DMXL1: variants seen among roughly 807,000 people sequenced by gnomAD.
DMXL1 encodes Dmx like 1.
DMXL1 carries 99 observed loss-of-function variants against 319.2 expected under a neutral mutation model. The ratio of observed to expected loss-of-function variants is 0.31; its 90% CI spans 0.26 to 0.37. The LOEUF is 0.37. Ranked by LOEUF, DMXL1 falls within the 10% of genes least tolerant of loss-of-function variation. The probability of loss-of-function intolerance (pLI) is 1.00; values close to 1 mark genes in which losing one functional copy is unlikely to be tolerated. For missense variants in DMXL1, 3,745 were observed against 3,595.6 expected (o/e 1.04, Z -1.06); for synonymous variants, 1,385 against 1,235.2 (o/e 1.12, Z -2.54).
intron 4 of DMXL1, 131 bp from the exon 5 acceptor site, chr5:119,110,020 C>T (rs1759220239): frequency 1.4e-6 from 1 of 690,946 alleles, no homozygotes; most frequent in Non-Finnish European, 2.4e-6. Flanking sequence ...ACAGCCTTCT[C>T]CTCCGTTCTT....
At chr5:119,195,435 A>G (rs1299678423) in intron 30 of DMXL1, among the ~76,000 whole-genome samples, 3 of 152,258 alleles carry the variant, frequency 2.0e-5, no homozygotes, top group East Asian at 1.9e-4. Context: ...ATTCTGACAC[A>G]TGCTGCAACA....
chr5:119,230,152 G>A (rs910813827), intron 38 of DMXL1, among the ~76,000 whole-genome samples: 23 of 152,104 alleles, frequency 1.5e-4, no homozygotes, highest in African/African-American at 5.6e-4. Flanking sequence ...ATTTTTTGCT[G>A]ACAAATTTTG....
chr5:119,202,529 A>G (rs1780889013), intron 32 of DMXL1, among the ~76,000 whole-genome samples: 1 of 152,154 alleles, frequency 6.6e-6, no homozygotes, highest in African/African-American at 2.4e-5. Context: ...ACATATAACT[A>G]TTTAACACAA....
At chr5:119,075,440 T>C (rs771616329) in intron 1 of DMXL1, among the ~76,000 whole-genome samples, 1 of 151,882 alleles carries the variant, frequency 6.6e-6, no homozygotes, top group Non-Finnish European at 1.5e-5. Flanking sequence ...GGTTTCATCA[T>C]GTTGGCCAGG....
chr5:119,089,703 G>A (rs548482090), intron 1 of DMXL1, among the ~76,000 whole-genome samples: 35 of 146,546 alleles, frequency 2.4e-4, no homozygotes, highest in African/African-American at 7.1e-4. Context: ...TTGTCTCACC[G>A]CAACCTCCAC....
intron 28 of DMXL1, among the ~76,000 whole-genome samples, chr5:119,181,894 T>G (rs950850654): frequency 2.0e-5 from 3 of 151,910 alleles, no homozygotes; most frequent in African/African-American, 7.3e-5. Context: ...TCCTGTGGAG[T>G]ACGGATCCAC....
chr5:119,089,284 A>T, intron 1 of DMXL1, among the ~76,000 whole-genome samples: 1 of 24,444 alleles, frequency 4.1e-5, no homozygotes, highest in African/African-American at 1.4e-4. Context: ...ATACATATAT[A>T]TATATATATT....
In DMXL1 at chr5:119,086,429, T is replaced by G. The variant is rs1753381024; in HGVS notation, c.88-11550T>G. Among the ~76,000 whole-genome samples the G allele has an allele frequency of 2.6e-5, 4 of 152,320 alleles. No homozygotes were observed. In the South Asian group the frequency reaches 8.3e-4, roughly 32 times the overall value. On this transcript the variant is annotated intron_variant, in intron 1 of 43. Coordinates refer to ENST00000539542, the MANE Select transcript of DMXL1 (RefSeq NM_001290321.3). The stretch of plus-strand genomic sequence containing the variant: ...TCATGGTGAATGATCTTTTAATGTG[T>G]TGTTCAATTTGGTTTGCAGGTATTT...
chr5:119,099,891 C>G (rs1190241742), intron 2 of DMXL1, among the ~76,000 whole-genome samples: 1 of 152,082 alleles, frequency 6.6e-6, no homozygotes, highest in Non-Finnish European at 1.5e-5. Flanking sequence ...GTCCTAGCTA[C>G]CCGGGAAGCT....
chr5:119,131,522 A>C (rs1484904200), intron 10 of DMXL1, among the ~76,000 whole-genome samples: 1 of 152,232 alleles, frequency 6.6e-6, no homozygotes, highest in Non-Finnish European at 1.5e-5. Flanking sequence ...TTAGAGATAA[A>C]GTACAAATTA....
intron 1 of DMXL1, among the ~76,000 whole-genome samples, chr5:119,082,390 G>A (rs1457405306): frequency 3.3e-5 from 5 of 151,834 alleles, no homozygotes; most frequent in African/African-American, 7.2e-5. Flanking sequence ...TCCTCCCACC[G>A]CAGTGTCCCA....
At chr5:119,175,175 T>C in intron 25 of DMXL1, 86 bp from the exon 26 acceptor site, 1 of 1,003,620 alleles carries the variant, frequency 1.0e-6, no homozygotes, top group South Asian at 1.7e-5. Context: ...TTCATTCTTT[T>C]AAAAATGCTG....
At chr5:119,135,421 AAGG>A (rs576504490) in intron 13 of DMXL1, among the ~76,000 whole-genome samples, 119 of 152,300 alleles carry the variant, frequency 7.8e-4, no homozygotes, top group African/African-American at 2.8e-3. Flanking sequence ...TAAAGATCTG[AAGG>A]AGATGTGGGA....
chr5:119,096,197 A>G (rs1278539752), intron 1 of DMXL1, among the ~76,000 whole-genome samples: 1 of 142,824 alleles, frequency 7.0e-6, no homozygotes, highest in East Asian at 2.1e-4. Flanking sequence ...TTTTTTTGAG[A>G]TGGAGTTTTG....
intron 1 of DMXL1, among the ~76,000 whole-genome samples, chr5:119,078,895 A>T (rs1052130112): frequency 6.6e-6 from 1 of 152,176 alleles, no homozygotes; most frequent in Non-Finnish European, 1.5e-5. Context: ...CAATTTATAT[A>T]ATTTAGCATG....
intron 36 of DMXL1, 76 bp downstream of exon 36, chr5:119,220,669 A>C: frequency 6.5e-7 from 1 of 1,530,632 alleles, no homozygotes; most frequent in Non-Finnish European, 8.9e-7. Flanking sequence ...AACTTTCAAA[A>C]GATTCTTTAA....
At chr5:119,206,721 T>G in intron 33 of DMXL1, 113 bp from the exon 34 acceptor site, 1 of 603,584 alleles carries the variant, frequency 1.7e-6, no homozygotes, top group Non-Finnish European at 2.8e-6. Context: ...CTCCATATAA[T>G]GTTCTTTTCT....
Position 119,120,974 on chromosome 5 carries a change from A to G in DMXL1, c.937A>G (p.Asn313Asp). The G allele has an allele frequency of 6.2e-7, 1 of 1,607,490 alleles. No individual in the cohort carries two copies. The highest frequency in any genetic ancestry group is 8.5e-7 in the Non-Finnish European group (1 of 1,177,934). ...KERVQNALEV[N>D]LRHFRRGRRR... Reference sequence around the variant, plus strand: ...AGTTTTGTTTCTATTCACACAGGTAAATCTGAGACATTTTCGTAGAGGTCG... The same window carrying G: ...AGTTTTGTTTCTATTCACACAGGTAGATCTGAGACATTTTCGTAGAGGTCG... Residue 313 changes from asparagine to aspartate, a missense_variant, in exon 9 of 44, where the codon AAT (asparagine) becomes GAT (aspartate). By Grantham distance (23) the Asn-to-Asp change is conservative. Transcript: ENST00000539542.
At chr5:119,232,056 C>A (rs927608103) in intron 38 of DMXL1, among the ~76,000 whole-genome samples, 4 of 152,128 alleles carry the variant, frequency 2.6e-5, no homozygotes, top group African/African-American at 9.7e-5. Flanking sequence ...TCAAGGCACA[C>A]TACAGCTTTG....
Sources: gnomAD v4.1 joint callset for allele counts (sites outside exome capture counted in the v4.1 genomes callset) on GRCh38, gnomAD v4.1.1 for gene constraint, MANE v1.5 for transcripts, NCBI Gene and HGNC (gene_info 2026-07-23, HGNC 2026-07-21) for gene names.